The following COL23A1 variants were observed in gnomAD, a reference collection of about 807,000 sequenced individuals.
COL23A1 encodes the protein collagen type XXIII alpha 1 chain.
In COL23A1, 97 loss-of-function variants were observed where a neutral mutation model predicts 99.3. That is an observed-to-expected ratio of 0.98 (90% CI 0.83 to 1.16). The LOEUF is 1.16. Among genes scored for constraint, COL23A1 ranks in the 50% most tolerant of loss-of-function variants. COL23A1 has a pLI of 0.00. For missense variants in COL23A1, 762 were observed against 757.4 expected, an observed-to-expected ratio of 1.01 and a Z score of -0.07; for synonymous variants, 320 against 308.2, an observed-to-expected ratio of 1.04 and a Z score of -0.40.
intron 2 of COL23A1, among the ~76,000 whole-genome samples, chr5:178,538,527 A>G (rs1002527667): frequency 6.6e-6 from 1 of 152,238 alleles, no homozygotes; most frequent in Non-Finnish European, 1.5e-5. Context: ...TTAGAGAACC[A>G]TAACAAACAG....
intron 18 of COL23A1, among the ~76,000 whole-genome samples, chr5:178,249,452 A>G (rs1363176259): frequency 6.6e-6 from 1 of 152,194 alleles, no homozygotes; most frequent in Non-Finnish European, 1.5e-5. Context: ...TGGGTGGATC[A>G]TGTGAGCCTG....
intron 2 of COL23A1, among the ~76,000 whole-genome samples, chr5:178,507,702 T>C (rs1200556513): frequency 1.3e-5 from 2 of 152,244 alleles, no homozygotes; most frequent in African/African-American, 2.4e-5. Context: ...GTCATTGACA[T>C]TGCTGTCTCC....
At chr5:178,293,869 G>C (rs917924456) in intron 3 of COL23A1, among the ~76,000 whole-genome samples, 1 of 152,048 alleles carries the variant, frequency 6.6e-6, no homozygotes, top group African/African-American at 2.4e-5. Context: ...GGAGGGACAG[G>C]CTGTTGTCAG....
intron 2 of COL23A1, among the ~76,000 whole-genome samples, chr5:178,500,745 A>G (rs1319558242): frequency 6.6e-6 from 1 of 152,172 alleles, no homozygotes; most frequent in Non-Finnish European, 1.5e-5. Flanking sequence ...AAAACATTAA[A>G]ATTTTTAGAA....
chr5:178,584,054 C>G (rs1448320354), intron 1 of COL23A1, among the ~76,000 whole-genome samples: 2 of 152,134 alleles, frequency 1.3e-5, no homozygotes, highest in Non-Finnish European at 2.9e-5. Flanking sequence ...GAGATGTACT[C>G]ACCCAGGCTA....
chr5:178,356,782 G>A (rs1273743695), intron 2 of COL23A1, among the ~76,000 whole-genome samples: 6 of 152,044 alleles, frequency 3.9e-5, no homozygotes, highest in Non-Finnish European at 8.8e-5. Flanking sequence ...TCCCCCGGCC[G>A]CCTGGCACCG....
chr5:178,358,128 T>C (rs950636927), intron 2 of COL23A1, among the ~76,000 whole-genome samples: 1 of 151,164 alleles, frequency 6.6e-6, no homozygotes, highest in Admixed American at 6.6e-5. Flanking sequence ...TGTACGTGTG[T>C]ACGTCTAATG....
At chr5:178,359,651 G>C (rs113405046) in intron 2 of COL23A1, among the ~76,000 whole-genome samples, 1 of 152,204 alleles carries the variant, frequency 6.6e-6, no homozygotes, top group East Asian at 1.9e-4. Flanking sequence ...TGAAAACCCA[G>C]TCTACATTTC....
At chr5:178,319,239 T>C (rs1759148971) in intron 2 of COL23A1, among the ~76,000 whole-genome samples, 2 of 152,140 alleles carry the variant, frequency 1.3e-5, no homozygotes, top group Admixed American at 1.3e-4. Context: ...TGTTTCCTGT[T>C]GGAAAACAGG....
At chr5:178,565,627 A>G (rs1440675514) in intron 1 of COL23A1, among the ~76,000 whole-genome samples, 1 of 152,184 alleles carries the variant, frequency 6.6e-6, no homozygotes, top group Non-Finnish European at 1.5e-5. Flanking sequence ...CACTGCGCCA[A>G]TTGCTATTAT....
chr5:178,278,595 G>A (rs1396910218), intron 5 of COL23A1, among the ~76,000 whole-genome samples: 1 of 152,146 alleles, frequency 6.6e-6, no homozygotes, highest in Non-Finnish European at 1.5e-5. Context: ...GCGTCAGTGA[G>A]CCCGTGAGCC....
Position 178,524,515 on chromosome 5 carries a change from T to A in COL23A1, c.361+36167A>T, listed in dbSNP as rs116316669. Among the ~76,000 whole-genome samples, 639 of 152,264 alleles carry A rather than the reference T, an allele frequency of 4.2e-3. 3 individuals are homozygous for A. Among genetic ancestry groups the A allele is most frequent in the African/African-American group, 0.015 (619 of 41,552 alleles). The stretch of plus-strand genomic sequence containing the variant: ...GAACTGTCACAGAAAGGATGGGGGA[T>A]GGATGTATCCAGAAAAAAATAACCC... On this transcript the variant is annotated intron_variant, in intron 2 of 28. Coordinates refer to ENST00000390654, the MANE Select transcript of COL23A1 (RefSeq NM_173465.4).
At chr5:178,457,545 A>G (rs2127887957) in intron 2 of COL23A1, among the ~76,000 whole-genome samples, 1 of 152,310 alleles carries the variant, frequency 6.6e-6, no homozygotes, top group South Asian at 2.1e-4. Flanking sequence ...AAAAATTTCA[A>G]TGTAATCTTA....
chr5:178,265,586 G>T (rs748371632), intron 8 of COL23A1: 12 of 784,238 alleles, frequency 1.5e-5, no homozygotes, highest in Non-Finnish European at 1.9e-5. Context: ...GTCTAACCCT[G>T]CAAACGTGGG....
chr5:178,586,469 G>A (rs1764011763), intron 1 of COL23A1, among the ~76,000 whole-genome samples: 1 of 152,048 alleles, frequency 6.6e-6, no homozygotes, highest in Non-Finnish European at 1.5e-5. Context: ...CAACCTCAGG[G>A]GCCATGCCTC....
At chr5:178,375,571 G>A (rs767786645) in intron 2 of COL23A1, among the ~76,000 whole-genome samples, 6 of 152,186 alleles carry the variant, frequency 3.9e-5, no homozygotes, top group African/African-American at 9.7e-5. Context: ...CGACAGCCTC[G>A]TTCCTGCTTT....
intron 2 of COL23A1, among the ~76,000 whole-genome samples, chr5:178,435,459 C>G (rs73803098): frequency 7.2e-4 from 110 of 152,088 alleles, no homozygotes; most frequent in Middle Eastern, 3.4e-3. Flanking sequence ...GAGCTGGGCA[C>G]AGAAAGGCAG....
Position 178,384,763 on chromosome 5 carries a change from T to A in COL23A1, c.362-77844A>T, listed in dbSNP as rs1282270790. Among the ~76,000 whole-genome samples the A allele has an allele frequency of 6.6e-6, 1 of 152,148 alleles. No homozygotes were observed. The highest frequency in any genetic ancestry group is 2.4e-5 in the African/African-American group (1 of 41,448). On this transcript the variant is annotated intron_variant, in intron 2 of 28. Transcript: ENST00000390654. The surrounding 1 kb of genome is among the most constrained non-coding windows in gnomAD (Gnocchi z 5.5). ...CATATAACAGCCACCACGACCCTTG[T>A]ACCACCCGGGGACGGCCCAGAACAG...
In COL23A1 at chr5:178,589,792, C is replaced by T. The variant is rs962005410; in HGVS notation, c.294+112G>A. 6 of 1,056,950 alleles carry T rather than the reference C, an allele frequency of 5.7e-6. No individual in the cohort carries two copies. The highest frequency in any genetic ancestry group is 7.2e-6 in the Non-Finnish European group (6 of 833,724). The allele number at this position is 1,056,950 out of a possible 1,614,324, so 65.5% of individuals were successfully genotyped here. A position where few individuals can be genotyped will look rare whatever the true frequency, so the allele number is the denominator to read the frequency against. ...TGGGACGGCCCCGAGCGCACGCAGC[C>T]GGCGGGCGACCCTCCTCCCAGAGAC... On this transcript the variant is annotated intron_variant, in intron 1 of 28. Transcript: ENST00000390654. This position sits in a 1 kb window ranked among gnomAD's most constrained non-coding sequence, Gnocchi z 5.4.
Sources: gnomAD v4.1 joint callset for allele counts (sites outside exome capture counted in the v4.1 genomes callset) on GRCh38, gnomAD v4.1.1 for gene constraint, Gnocchi (gnomAD v3.1) non-coding constraint, MANE v1.5 for transcripts, NCBI Gene and HGNC (gene_info 2026-07-23, HGNC 2026-07-21) for gene names.